The following INTS2 variants were observed in gnomAD, a reference collection of about 807,000 sequenced individuals.
INTS2 encodes the protein integrator complex subunit 2, also known as KIAA1287.
In INTS2, 57 loss-of-function variants were observed where a neutral mutation model predicts 139.6. The observed-to-expected ratio is 0.41, with a 90% confidence interval of 0.33 to 0.51. The LOEUF (loss-of-function observed/expected upper bound fraction) is 0.51. INTS2 is among the 20% of genes least tolerant of loss of function. INTS2 has a pLI of 0.28. For synonymous variants in INTS2, 473 were observed against 493.4 expected (o/e 0.96, Z 0.55); for missense variants, 1,196 against 1,436.7 (o/e 0.83, Z 2.71).
At chr17:61,923,479 A>G (rs1051702255) in intron 3 of INTS2, among the ~76,000 whole-genome samples, 3 of 144,600 alleles carry the variant, frequency 2.1e-5, no homozygotes, top group African/African-American at 7.7e-5. Flanking sequence ...TCTGTCTCCA[A>G]AAAAAAAAAA....
intron 7 of INTS2, among the ~76,000 whole-genome samples, chr17:61,907,840 T>C (rs1196940930): frequency 3.3e-5 from 5 of 152,294 alleles, no homozygotes; most frequent in Admixed American, 1.3e-4. Context: ...ATAATTTGGA[T>C]TGGTTGCAGA....
chr17:61,911,820 G>A lies in INTS2; in HGVS notation c.780+120C>T, dbSNP rs147505840. 14 of 1,401,476 alleles carry A rather than the reference G, an allele frequency of 1.0e-5. No individual in the cohort carries two copies. In the East Asian group the frequency reaches 1.4e-4, roughly 14 times the overall value. The allele number at this position is 1,401,476 out of a possible 1,614,324, so 86.8% of individuals were successfully genotyped here. A position where few individuals can be genotyped will look rare whatever the true frequency, so the allele number is the denominator to read the frequency against. On this transcript the variant is annotated intron_variant, in intron 6 of 24. Coordinates refer to ENST00000251334, the MANE Select transcript of INTS2 (RefSeq NM_001351695.2). ...CAAAACATAAAAACCCAGAGAGGAA[G>A]GTAACATATCCAGTATATAAATAAA... is the stretch of plus-strand genomic sequence containing the variant.
In INTS2 at chr17:61,874,901, A is replaced by G. The variant is rs1009218264; in HGVS notation, c.2582+12T>C. The G allele has an allele frequency of 1.9e-6, 3 of 1,553,742 alleles. No individual in the cohort carries two copies. The highest frequency in any genetic ancestry group is 2.0e-5 in the Admixed American group (1 of 49,012). On this transcript the variant is annotated intron_variant, in intron 19 of 24. Transcript: ENST00000251334. ...AGCTCTATAATAAAAATGAAACTCA[A>G]ATGACATGTACCTGTGAACCCTCTG...
intron 4 of INTS2, among the ~76,000 whole-genome samples, chr17:61,920,486 CTTT>C (rs1187583288): frequency 2.8e-5 from 3 of 106,490 alleles, no homozygotes; most frequent in Non-Finnish European, 3.8e-5. Context: ...CTGGCCTATA[CTTT>C]TTTTTTTTTT....
chr17:61,867,592 T>G lies in INTS2; in HGVS notation c.3556A>C (p.Ile1186Leu). 1 of 1,609,360 alleles carries G rather than the reference T, an allele frequency of 6.2e-7. No individual in the cohort carries two copies. The highest frequency in any genetic ancestry group is 1.3e-5 in the African/African-American group (1 of 74,864). The change falls in exon 25 of 25, where the codon ATT (isoleucine) becomes CTT (leucine). Residue 1186 changes from isoleucine (I) to leucine (L), a missense_variant. Physicochemically the swap from Ile to Leu is conservative, Grantham distance 5. Transcript: ENST00000251334. The surrounding 1 kb of genome is among the most constrained non-coding windows in gnomAD (Gnocchi z 5.6). ...QLCHCIERTVIEIINMSVSGI is the reference protein window; with the variant it reads ...QLCHCIERTVLEIINMSVSGI The stretch of plus-strand genomic sequence containing the variant: ...CTAACACTCATATTTATTATTTCAA[T>G]TACTGTTCTTTCAATACAGTGACAG...
rs1250613739 is a variant in INTS2, at chr17:61,876,210, G to GA, written c.2457-1173dup. Among the ~76,000 whole-genome samples the GA allele has an allele frequency of 1.3e-5, 2 of 152,022 alleles. No homozygotes were observed. Among genetic ancestry groups the GA allele is most frequent in the African/African-American group, 4.8e-5 (2 of 41,396 alleles). ...AAATAATTTTTTAAAAAATGAACTA[G>GA]AATTCCACACTTAGGCTAAATATCA... On this transcript the variant is annotated intron_variant, in intron 18 of 24. Coordinates refer to ENST00000251334, the MANE Select transcript of INTS2 (RefSeq NM_001351695.2). The surrounding 1 kb of genome is among the most constrained non-coding windows in gnomAD (Gnocchi z 4.1).
At chr17:61,924,568 C>T (rs974214254) in intron 3 of INTS2, among the ~76,000 whole-genome samples, 6 of 152,138 alleles carry the variant, frequency 3.9e-5, no homozygotes, top group African/African-American at 1.2e-4. Flanking sequence ...CCTGTAATCC[C>T]AACACTTTGG....
At chr17:61,878,944 A>AC (rs1340442538) in intron 17 of INTS2, among the ~76,000 whole-genome samples, 2 of 137,238 alleles carry the variant, frequency 1.5e-5, no homozygotes, top group African/African-American at 7.0e-5. Flanking sequence ...AAAAAAAAAA[A>AC]AAAAAAAAAA....
In INTS2 at chr17:61,869,811, G is replaced by C; in HGVS notation, c.2956C>G (p.Gln986Glu). Residue 986 changes from glutamine to glutamate, a missense_variant, in exon 21 of 25, where the codon CAG (glutamine) becomes GAG (glutamate). Around this residue, in one of 3 missense-constraint regions of INTS2, gnomAD observed 1,129 missense variants for 1,341.9 expected, o/e 0.84. Coordinates refer to ENST00000251334, the MANE Select transcript of INTS2 (RefSeq NM_001351695.2). The surrounding 1 kb of genome is among the most constrained non-coding windows in gnomAD (Gnocchi z 5.4). ...TGCAAGAGACAACAGATAAGGCACTGAACTTCTCGAAGGTTACAGAGCAAA... is the reference window on the plus strand; with the variant it reads ...TGCAAGAGACAACAGATAAGGCACTCAACTTCTCGAAGGTTACAGAGCAAA... ...DNLLCNLREV[Q>E]CLICCLLHQM... The C allele has an allele frequency of 6.2e-7, 1 of 1,613,886 alleles. No individual in the cohort carries two copies. Among genetic ancestry groups the C allele is most frequent in the Non-Finnish European group, 8.5e-7 (1 of 1,179,792 alleles).
At chr17:61,918,878 T>G (rs1452359286) in intron 5 of INTS2, among the ~76,000 whole-genome samples, 1 of 152,092 alleles carries the variant, frequency 6.6e-6, no homozygotes, top group African/African-American at 2.4e-5. Context: ...ACATGTATCT[T>G]CTTTGATCCC....
chr17:61,873,704 G>A lies in INTS2; in HGVS notation c.2582+1209C>T, dbSNP rs1317086216. On this transcript the variant is annotated intron_variant, in intron 19 of 24. Transcript: ENST00000251334. The surrounding 1 kb of genome is among the most constrained non-coding windows in gnomAD (Gnocchi z 4.0). ...TACCAAACCATATTTAGCTAATTTTGTAGATTTTGTCACTTCGAGAATGTC... is the reference window on the plus strand; with the variant it reads ...TACCAAACCATATTTAGCTAATTTTATAGATTTTGTCACTTCGAGAATGTC... Among the ~76,000 whole-genome samples, 1 of 152,014 alleles carries A rather than the reference G, an allele frequency of 6.6e-6. No individual in the cohort carries two copies. The highest frequency in any genetic ancestry group is 2.4e-5 in the African/African-American group (1 of 41,384).
Position 61,911,504 on chromosome 17 carries a change from G to C in INTS2, c.954+16C>G, listed in dbSNP as rs746201597. The C allele has an allele frequency of 3.7e-6, 6 of 1,611,602 alleles. No individual in the cohort carries two copies. The East Asian group carries it at 1.1e-4, about 30-fold the overall frequency. ...AGTATTCTGATCCTTAGCCTATACA[G>C]ATATTTAACCCTCACCTGCTGTCCA... is the stretch of plus-strand genomic sequence containing the variant. On this transcript the variant is annotated intron_variant, in intron 7 of 24. Transcript: ENST00000251334.
Position 61,870,850 on chromosome 17 carries a change from G to A in INTS2, c.2779-862C>T, listed in dbSNP as rs1254913445. On this transcript the variant is annotated intron_variant, in intron 20 of 24. Transcript: ENST00000251334. This position sits in a 1 kb window ranked among gnomAD's most constrained non-coding sequence, Gnocchi z 4.4. ...GTTGACTCAGGAGCCAGAGTGCCTA[G>A]GAGTGAATCCTGGTTCTGACATTTA... Among the ~76,000 whole-genome samples, 1 of 152,104 alleles carries A rather than the reference G, an allele frequency of 6.6e-6. No homozygotes were observed. The highest frequency in any genetic ancestry group is 1.5e-5 in the Non-Finnish European group (1 of 68,012).
rs550426322 is a variant in INTS2, at chr17:61,899,889, G to A, written c.1308-2150C>T. 7.7e-5 allele frequency among the ~76,000 whole-genome samples: 11 copies of A among 142,962 alleles called. No homozygotes were observed. In the South Asian group the frequency reaches 2.5e-3, roughly 32 times the overall value. The allele number at this position is 142,962 out of a possible 152,430, so 93.8% of individuals were successfully genotyped here. ...ATCGTGCCACTGGACTCCAGCCTGC[G>A]AAACAAAGCAAGATCCTATCTAAAA... On this transcript the variant is annotated intron_variant, in intron 9 of 24. Transcript: ENST00000251334.
At chr17:61,891,757 G>A in intron 13 of INTS2, 68 bp from the exon 14 acceptor site, 1 of 1,120,386 alleles carries the variant, frequency 8.9e-7, no homozygotes, top group Non-Finnish European at 1.3e-6. Context: ...AATTATAAAA[G>A]TACATACAGT....
At chr17:61,898,674 C>T (rs1006932141) in intron 9 of INTS2, among the ~76,000 whole-genome samples, 4 of 152,120 alleles carry the variant, frequency 2.6e-5, no homozygotes, top group Non-Finnish European at 4.4e-5. Context: ...AGTGCAGCAG[C>T]GCAATCTCAG....
rs569263877 is a variant in INTS2, at chr17:61,882,023, C to G, written c.2090-852G>C. Among the ~76,000 whole-genome samples the G allele has an allele frequency of 1.6e-3, 238 of 152,304 alleles. No individual in the cohort carries two copies. The highest frequency in any genetic ancestry group is 5.5e-3 in the African/African-American group (230 of 41,572). ...GGTCCTATTCAGAAATACTGATAGG[C>G]TTCTGTAGAGAACATGCCCTTTCCT... On this transcript the variant is annotated intron_variant, in intron 16 of 24. Transcript: ENST00000251334. The surrounding 1 kb of genome is among the most constrained non-coding windows in gnomAD (Gnocchi z 4.7).
Position 61,869,895 on chromosome 17 carries a change from C to T in INTS2, c.2872G>A (p.Val958Ile). 3 of 1,613,902 alleles carry T rather than the reference C, an allele frequency of 1.9e-6. No individual in the cohort carries two copies. The highest frequency in any genetic ancestry group is 2.5e-6 in the Non-Finnish European group (3 of 1,179,822). Reference protein sequence around the residue: ...GVNPDSLLRNVQSVITTSAPN... With the variant: ...GVNPDSLLRNIQSVITTSAPN... The stretch of plus-strand genomic sequence containing the variant: ...GCGCTGGTGGTAATAACACTTTGAA[C>T]ATTTCTTAACAAGCTATCTGGATTG... Residue 958 changes from valine to isoleucine, a missense_variant, in exon 21 of 25, where the codon GTT becomes ATT. Physicochemically the swap from Val to Ile is conservative, Grantham distance 29 (BLOSUM62 3). Around this residue, in one of 3 missense-constraint regions of INTS2, gnomAD observed 1,129 missense variants for 1,341.9 expected, o/e 0.84. Coordinates refer to ENST00000251334, the MANE Select transcript of INTS2 (RefSeq NM_001351695.2). The surrounding 1 kb of genome is among the most constrained non-coding windows in gnomAD (Gnocchi z 5.4).
chr17:61,911,821 G>T, intron 6 of INTS2, 119 bp downstream of exon 6: 1 of 1,403,088 alleles, frequency 7.1e-7, no homozygotes, highest in Non-Finnish European at 9.7e-7. Flanking sequence ...AGAGAGGAAG[G>T]TAACATATCC....
Sources: allele counts gnomAD v4.1 joint callset (sites outside exome capture counted in the v4.1 genomes callset), GRCh38; gene constraint gnomAD v4.1.1; regional missense constraint gnomAD v4.1.1; non-coding constraint Gnocchi (gnomAD v3.1); transcripts MANE v1.5; gene names NCBI Gene and HGNC (gene_info 2026-07-23, HGNC 2026-07-21).